Variants in CDH12 observed in about 807,000 individuals in gnomAD.
CDH12 encodes cadherin-12.
A neutral mutation model predicts 74.1 loss-of-function variants in CDH12; 41 were observed. That is an observed-to-expected ratio of 0.55 (90% CI 0.43 to 0.72). The LOEUF (loss-of-function observed/expected upper bound fraction) is 0.72, where lower values mean the gene tolerates loss of function less well. Ranked by LOEUF, CDH12 falls within the 30% of genes least tolerant of loss-of-function variation. The probability of loss-of-function intolerance (pLI) is 0.00; values close to 1 mark genes in which losing one functional copy is unlikely to be tolerated. For missense variants in CDH12, 945 were observed against 977.2 expected (o/e 0.97, Z 0.44); for synonymous variants, 399 against 355.0 (o/e 1.12, Z -1.39).
At chr5:22,005,115 AC>A (rs1267075429) in intron 5 of CDH12, among the ~76,000 whole-genome samples, 10 of 152,230 alleles carry the variant, frequency 6.6e-5, no homozygotes, top group African/African-American at 2.2e-4. Flanking sequence ...GTCTAGGCTC[AC>A]TGCAGCCTTT....
chr5:22,518,732 T>C (rs1181441806), intron 1 of CDH12, among the ~76,000 whole-genome samples: 1 of 152,168 alleles, frequency 6.6e-6, no homozygotes, highest in Non-Finnish European at 1.5e-5. Context: ...AATAGAATAG[T>C]CAACGACAAT....
chr5:22,437,831 A>C (rs941305323), intron 2 of CDH12, among the ~76,000 whole-genome samples: 2 of 152,036 alleles, frequency 1.3e-5, no homozygotes, highest in Non-Finnish European at 2.9e-5. Context: ...CAAAGTTTAG[A>C]TAGATATACC....
intron 5 of CDH12, among the ~76,000 whole-genome samples, chr5:22,072,313 T>A (rs1741998518): frequency 6.6e-6 from 1 of 152,100 alleles, no homozygotes; most frequent in African/African-American, 2.4e-5. Flanking sequence ...ACTCTGACCA[T>A]CTGACTTTAC....
chr5:22,026,145 TTA>T (rs1374934230), intron 5 of CDH12, among the ~76,000 whole-genome samples: 7 of 152,220 alleles, frequency 4.6e-5, no homozygotes, highest in South Asian at 2.1e-4. Flanking sequence ...GGTTATCAAT[TTA>T]CTTTGCCCAG....
chr5:22,413,787 G>C (rs1261389), intron 2 of CDH12, among the ~76,000 whole-genome samples: 140,479 of 152,044 alleles, frequency 0.92, 64,938 homozygotes, highest in Admixed American at 0.96. Context: ...TTTTTTTCCC[G>C]ATTTTTCAAT....
chr5:22,663,777 A>G (rs1000324157), intron 1 of CDH12, among the ~76,000 whole-genome samples: 7 of 152,028 alleles, frequency 4.6e-5, no homozygotes, highest in Non-Finnish European at 7.4e-5. Flanking sequence ...ATTTATGCAG[A>G]TTTTTGGATG....
chr5:22,176,331 A>C (rs937099656), intron 4 of CDH12, among the ~76,000 whole-genome samples: 4 of 152,094 alleles, frequency 2.6e-5, no homozygotes, highest in African/African-American at 9.7e-5. Context: ...TCTCCAGATT[A>C]AGTTTAACTG....
At position 21,809,577 on chromosome 5, in the gene CDH12, T is replaced by C. The variant is rs577564580; in HGVS notation, c.1003-7157A>G. Among the ~76,000 whole-genome samples, 6 of 152,310 alleles carry C rather than the reference T, an allele frequency of 3.9e-5. No homozygotes were observed. In the South Asian group the frequency reaches 1.2e-3, roughly 32 times the overall value. On this transcript the variant is annotated intron_variant, in intron 9 of 14. Transcript: ENST00000382254. Reference sequence around the variant, plus strand: ...TTCCTTCTTTGAGCTTCAGCTTTCCTATTTGTAGAATCAGTAAAACATATT... The same window carrying C: ...TTCCTTCTTTGAGCTTCAGCTTTCCCATTTGTAGAATCAGTAAAACATATT...
chr5:22,237,026 T>C (rs1752583837), intron 3 of CDH12, among the ~76,000 whole-genome samples: 1 of 151,996 alleles, frequency 6.6e-6, no homozygotes, highest in Admixed American at 6.6e-5. Context: ...ATAGTAAATA[T>C]ATAAACCAGT....
chr5:22,131,177 T>C (rs1746159592), intron 4 of CDH12, among the ~76,000 whole-genome samples: 2 of 152,254 alleles, frequency 1.3e-5, no homozygotes, highest in Admixed American at 1.3e-4. Flanking sequence ...TGTATAGATA[T>C]GTCTAACTGT....
intron 6 of CDH12, among the ~76,000 whole-genome samples, chr5:21,948,238 G>C (rs1755667298): frequency 6.6e-6 from 1 of 152,142 alleles, no homozygotes; most frequent in South Asian, 2.1e-4. Context: ...CCAGACCCCT[G>C]AATGGAAGAT....
chr5:22,744,842 G>C (rs1460678579), intron 1 of CDH12, among the ~76,000 whole-genome samples: 1 of 152,030 alleles, frequency 6.6e-6, no homozygotes, highest in Non-Finnish European at 1.5e-5. Flanking sequence ...CCAGTTGTGT[G>C]ACTCTGGGAA....
intron 4 of CDH12, among the ~76,000 whole-genome samples, chr5:22,116,382 G>A (rs994432851): frequency 6.6e-6 from 1 of 152,090 alleles, no homozygotes; most frequent in Non-Finnish European, 1.5e-5. Context: ...GAGACGGGCG[G>A]GTCACGAGGT....
At chr5:21,951,232 A>G (rs1164242995) in intron 6 of CDH12, among the ~76,000 whole-genome samples, 2 of 152,080 alleles carry the variant, frequency 1.3e-5, no homozygotes, top group Non-Finnish European at 2.9e-5. Flanking sequence ...TCATTTCTTA[A>G]AAAGATTATT....
intron 3 of CDH12, among the ~76,000 whole-genome samples, chr5:22,227,341 C>G (rs1220420061): frequency 6.6e-6 from 1 of 152,014 alleles, no homozygotes; most frequent in African/African-American, 2.4e-5. Context: ...GGTATTGAAT[C>G]AGATAAATCA....
intron 3 of CDH12, among the ~76,000 whole-genome samples, chr5:22,280,394 G>A (rs1736824950): frequency 6.6e-6 from 1 of 152,126 alleles, no homozygotes; most frequent in South Asian, 2.1e-4. Context: ...GAAGGAGATA[G>A]AGACACGAAA....
At chr5:21,928,637 T>A (rs1366246299) in intron 6 of CDH12, among the ~76,000 whole-genome samples, 1 of 152,200 alleles carries the variant, frequency 6.6e-6, no homozygotes, top group Non-Finnish European at 1.5e-5. Context: ...GCTCGTGTCT[T>A]CTAAAAATTC....
intron 11 of CDH12, among the ~76,000 whole-genome samples, chr5:21,780,474 AAG>A (rs1397207754): frequency 4.6e-5 from 7 of 152,334 alleles, no homozygotes; most frequent in African/African-American, 1.4e-4. Flanking sequence ...GCTACAGCAG[AAG>A]CAATCAATAA....
chr5:22,271,023 A>T (rs1038599154), intron 3 of CDH12, among the ~76,000 whole-genome samples: 5 of 152,066 alleles, frequency 3.3e-5, no homozygotes, highest in Non-Finnish European at 5.9e-5. Flanking sequence ...TTATACTTGG[A>T]AAAAATATTT....
Sources: allele counts gnomAD v4.1 joint callset (sites outside exome capture counted in the v4.1 genomes callset), GRCh38; gene constraint gnomAD v4.1.1; transcripts MANE v1.5; gene names NCBI Gene and HGNC (gene_info 2026-07-23, HGNC 2026-07-21).